Variants in EOLA1 observed in about 807,000 individuals in gnomAD.
The protein encoded by EOLA1 is protein EOLA1.
Under a neutral mutation model 4.5 loss-of-function variants are expected in EOLA1, and 1 was observed. The ratio of observed to expected loss-of-function variants is 0.22; its 90% CI spans 0.08 to 1.05. EOLA1 has a LOEUF of 1.05. EOLA1 is among the 50% of genes least tolerant of loss of function. The probability of loss-of-function intolerance (pLI) is 0.57; values close to 1 mark genes in which losing one functional copy is unlikely to be tolerated. For synonymous variants in EOLA1, 37 were observed against 52.3 expected (o/e 0.71, Z 1.26); for missense variants, 69 against 127.2 (o/e 0.54, Z 2.20).
intron 2 of EOLA1, chrX:149,544,490 G>T (rs2089797584): frequency 5.3e-6 from 4 of 748,894 alleles, no homozygotes; most frequent in Admixed American, 8.7e-5. Flanking sequence ...GGCCTGAGGG[G>T]TGAGGGCAGC....
rs2089859006 is a variant in EOLA1, at chrX:149,546,883, C to T, written c.398C>T (p.Pro133Leu). ...VISNPRWLLEPIPRKGGKDVF... is the reference protein window; with the variant it reads ...VISNPRWLLELIPRKGGKDVF... The stretch of plus-strand genomic sequence containing the variant: ...TCAAACCCCAGGTGGTTACTGGAGC[C>T]CATACCTAGGAAAGGAGGCAAGGAT... Residue 133 changes from proline (P) to leucine (L), a missense_variant, in exon 5 of 5, where the codon CCC becomes CTC. Coordinates refer to ENST00000393985, the MANE Select transcript of EOLA1 (RefSeq NM_001171907.3). 1 of 1,206,245 alleles carries T rather than the reference C, an allele frequency of 8.3e-7. No homozygotes were observed. The highest frequency in any genetic ancestry group is 1.1e-6 in the Non-Finnish European group (1 of 894,157).
chrX:149,547,142 G>T lies in EOLA1; in HGVS notation c.*180G>T, dbSNP rs1557348114. ...AGGTTCCTTTGCTCAGATGAAGGAA[G>T]TAGGGGGTGGGGCTTTCCTTGTGTG... is the stretch of plus-strand genomic sequence containing the variant. On this transcript the variant is annotated 3_prime_UTR_variant, in exon 5 of 5. Transcript: ENST00000393985. 2.6e-5 allele frequency: 27 copies of T among 1,028,545 alleles called. No individual in the cohort carries two copies. Among genetic ancestry groups the T allele is most frequent in the Non-Finnish European group, 1.5e-5 (12 of 791,864 alleles). 84.8% of individuals were successfully genotyped at this position (1,028,545 alleles called of 1,213,427 possible). A position where few individuals can be genotyped will look rare whatever the true frequency, so the allele number is the denominator to read the frequency against.
intron 2 of EOLA1, chrX:149,545,115 T>C: frequency 3.6e-6 from 2 of 554,239 alleles, no homozygotes; most frequent in Non-Finnish European, 4.4e-6. Context: ...AGCCCTGGAG[T>C]AGGAGCTGGG....
In EOLA1 at chrX:149,547,046, T is replaced by C. The variant is rs2089864171; in HGVS notation, c.*84T>C. ...AATTTGCCATCATGACGCAGACCTG[T>C]ATACATTAGGTTAAATCTGAATTTC... On this transcript the variant is annotated 3_prime_UTR_variant, in exon 5 of 5. Coordinates refer to ENST00000393985, the MANE Select transcript of EOLA1 (RefSeq NM_001171907.3). The C allele has an allele frequency of 4.2e-6, 5 of 1,183,146 alleles. No homozygotes were observed. The South Asian group carries it at 9.6e-5, about 23-fold the overall frequency.
Position 149,545,789 on chromosome X carries a change from G to T in EOLA1, c.159G>T (p.Trp53Cys), listed in dbSNP as rs142186617. Reference sequence around the variant, plus strand: ...ACAGGGACTGGGAAGGCGATGCCTGGCGGGAGCTGCTGGTGGAGAGACTCG... The same window carrying T: ...ACAGGGACTGGGAAGGCGATGCCTGTCGGGAGCTGCTGGTGGAGAGACTCG... ...IAHRDWEGDA[W>C]RELLVERLGM... is the part of the protein sequence containing the mutation. The change falls in exon 4 of 5, where the codon TGG (tryptophan) becomes TGT (cysteine). Residue 53 changes from tryptophan (W) to cysteine (C), a missense_variant. Physicochemically the swap from Trp to Cys is radical, Grantham distance 215. Coordinates refer to ENST00000393985, the MANE Select transcript of EOLA1 (RefSeq NM_001171907.3). 1.3e-4 allele frequency: 157 copies of T among 1,209,720 alleles called. No individual in the cohort carries two copies. The highest frequency in any genetic ancestry group is 3.3e-4 in the East Asian group (11 of 33,756).
chrX:149,549,285 T>C, downstream of EOLA1: 1 of 1,103,589 alleles, frequency 9.1e-7, no homozygotes, highest in Non-Finnish European at 1.2e-6. Flanking sequence ...CTTAAGCTCT[T>C]ACAGTATATT....
At chrX:149,544,972 G>A (rs1324499285) in intron 2 of EOLA1, 4 of 736,270 alleles carry the variant, frequency 5.4e-6, no homozygotes, top group Non-Finnish European at 6.4e-6. Context: ...GTGGAGAGCA[G>A]TGGTAGGGGA....
chrX:149,547,798 G>A lies in EOLA1; in HGVS notation c.*836G>A, dbSNP rs2089877871. ...CTCTTCTGAGCCAGGATGTTATGGT[G>A]GTTGTACATCCCATGGCAGATGGGG... On this transcript the variant is annotated 3_prime_UTR_variant, in exon 5 of 5. Transcript: ENST00000393985. The A allele has an allele frequency of 8.6e-6, 1 of 116,752 alleles. No individual in the cohort carries two copies. Among genetic ancestry groups the A allele is most frequent in the Non-Finnish European group, 1.3e-5 (1 of 75,639 alleles). 9.6% of individuals were successfully genotyped at this position (116,752 alleles called of 1,213,427 possible).
intron 2 of EOLA1, among the ~76,000 whole-genome samples, chrX:149,543,796 G>C (rs1336442912): frequency 1.1e-5 from 1 of 90,210 alleles, no homozygotes; most frequent in Non-Finnish European, 2.3e-5. Flanking sequence ...GAGTCTGAAG[G>C]GGGGTGGCCT....
Position 149,547,787 on chromosome X carries a change from G to C in EOLA1, c.*825G>C. On this transcript the variant is annotated 3_prime_UTR_variant, in exon 5 of 5. Transcript: ENST00000393985. ...CAGTGGCCCTTCTCTTCTGAGCCAG[G>C]ATGTTATGGTGGTTGTACATCCCAT... The C allele has an allele frequency of 6.7e-6, 1 of 149,714 alleles. No individual in the cohort carries two copies. Among genetic ancestry groups the C allele is most frequent in the Non-Finnish European group, 9.9e-6 (1 of 101,208 alleles). 12.3% of individuals were successfully genotyped at this position (149,714 alleles called of 1,213,427 possible).
chrX:149,545,620 C>A lies in EOLA1; in HGVS notation c.-11C>A. On this transcript the variant is annotated 5_prime_UTR_variant, in exon 4 of 5. Transcript: ENST00000393985. Reference sequence around the variant, plus strand: ...TCCGCAGGCTACGGGAGGCCCGGGGCGCTTGCGAAGATGAAGTTTGGCTGC... The same window carrying A: ...TCCGCAGGCTACGGGAGGCCCGGGGAGCTTGCGAAGATGAAGTTTGGCTGC... The A allele has an allele frequency of 1.7e-6, 2 of 1,203,689 alleles. No individual in the cohort carries two copies. The highest frequency in any genetic ancestry group is 2.2e-5 in the Admixed American group (1 of 45,881).
At chrX:149,545,210 G>A (rs1334569843) in intron 2 of EOLA1, 158 bp from the exon 3 acceptor site, 2 of 621,314 alleles carry the variant, frequency 3.2e-6, no homozygotes, top group African/African-American at 2.6e-5. Flanking sequence ...GAAGCAGAGG[G>A]TGGGACTCTC....
chrX:149,546,827 C>T lies in EOLA1; in HGVS notation c.342C>T (p.Thr114=). The T allele has an allele frequency of 8.3e-7, 1 of 1,211,229 alleles. No individual in the cohort carries two copies. The highest frequency in any genetic ancestry group is 1.1e-6 in the Non-Finnish European group (1 of 895,314). The change falls in exon 5 of 5, where the codon ACC becomes ACT. Residue 114 remains threonine (T), a synonymous_variant. Coordinates refer to ENST00000393985, the MANE Select transcript of EOLA1 (RefSeq NM_001171907.3). The part of the protein sequence containing the change: ...VVELENQAVL[T]NLKQKYLTVI... ...AACTAGAAAATCAAGCTGTACTGAC[C>T]AACCTGAAGCAGAAGTACCTGACTG...
At position 149,542,052 on chromosome X, in the gene EOLA1, C is replaced by T. The variant is rs1736943539; in HGVS notation, c.-196C>T. The T allele has an allele frequency of 1.3e-6, 1 of 752,746 alleles. No homozygotes were observed. The highest frequency in any genetic ancestry group is 1.6e-6 in the Non-Finnish European group (1 of 637,308). 62.0% of individuals were successfully genotyped at this position (752,746 alleles called of 1,213,427 possible). On this transcript the variant is annotated 5_prime_UTR_variant, in exon 2 of 5. Transcript: ENST00000393985. Reference sequence around the variant, plus strand: ...GCTAAGTGGAAGAGTGTTTCCTCCTCTGGCCGTAAAGCAGGTACTCTCTGC... The same window carrying T: ...GCTAAGTGGAAGAGTGTTTCCTCCTTTGGCCGTAAAGCAGGTACTCTCTGC...
Position 149,545,704 on chromosome X carries a change from C to T in EOLA1, c.74C>T (p.Thr25Met), listed in dbSNP as rs1557347604. ...TTAAATGGAATCAAGACTGTGGAGA[C>T]GCGCTGGCGTCCCCTGCTGAGCAGC... ...FVLNGIKTVE[T>M]RWRPLLSSQR... is the part of the protein sequence containing the mutation. The change falls in exon 4 of 5, where the codon ACG (threonine) becomes ATG (methionine). Residue 25 changes from threonine to methionine, a missense_variant. Coordinates refer to ENST00000393985, the MANE Select transcript of EOLA1 (RefSeq NM_001171907.3). 5.0e-6 allele frequency: 6 copies of T among 1,211,780 alleles called. No homozygotes were observed. The highest frequency in any genetic ancestry group is 5.6e-6 in the Non-Finnish European group (5 of 895,354).
chrX:149,545,774 G>A lies in EOLA1; in HGVS notation c.144G>A (p.Trp48Ter). 8.2e-7 allele frequency: 1 copy of A among 1,212,132 alleles called. No individual in the cohort carries two copies. The highest frequency in any genetic ancestry group is 1.1e-6 in the Non-Finnish European group (1 of 895,451). ...TIAVHIAHRD[W>*]EGDAWRELLV... is the part of the protein sequence containing the mutation. ...CCGTCCACATTGCTCACAGGGACTGGGAAGGCGATGCCTGGCGGGAGCTGC... is the reference window on the plus strand; with the variant it reads ...CCGTCCACATTGCTCACAGGGACTGAGAAGGCGATGCCTGGCGGGAGCTGC... Residue 48 changes from tryptophan to a stop codon, truncating the protein, a stop_gained, in exon 4 of 5, where the codon TGG (tryptophan) becomes TGA (stop). Coordinates refer to ENST00000393985, the MANE Select transcript of EOLA1 (RefSeq NM_001171907.3). LOFTEE classifies it high-confidence loss of function.
upstream of EOLA1, chrX:149,540,946 A>G (rs1204692851): frequency 7.1e-5 from 8 of 113,232 alleles, no homozygotes; most frequent in African/African-American, 2.6e-4. Context: ...CGTGGTGTGC[A>G]TACATGCGTG....
At chrX:149,541,917 G>C (rs782342007) in intron 1 of EOLA1, 102 bp from the exon 2 acceptor site, 161 of 600,942 alleles carry the variant, frequency 2.7e-4, no homozygotes, top group Non-Finnish European at 3.1e-4. Context: ...AGCTCTTCTT[G>C]GTTTCCAATG....
At chrX:149,541,925 A>G (rs1434700933) in intron 1 of EOLA1, 94 bp from the exon 2 acceptor site, 38 of 606,846 alleles carry the variant, frequency 6.3e-5, no homozygotes, top group Non-Finnish European at 7.1e-5. Context: ...TTGGTTTCCA[A>G]TGCCTGCTAA....
Sources: gnomAD v4.1 joint callset for allele counts (sites outside exome capture counted in the v4.1 genomes callset) on GRCh38, gnomAD v4.1.1 for gene constraint, MANE v1.5 for transcripts, NCBI Gene and HGNC (gene_info 2026-07-23, HGNC 2026-07-21) for gene names.